Variants in ALG13 observed in about 807,000 individuals in gnomAD.
ALG13 encodes ALG13 UDP-N-acetylglucosaminyltransferase subunit, also known as UDP-N-acetylglucosamine transferase subunit ALG13.
A neutral mutation model predicts 87.8 loss-of-function variants in ALG13; 11 were observed. The ratio of observed to expected loss-of-function variants is 0.13; its 90% confidence interval spans 0.08 to 0.21. The LOEUF (loss-of-function observed/expected upper bound fraction) is 0.21. Ranked by LOEUF, ALG13 falls within the 10% of genes least tolerant of loss-of-function variation. The pLI, the probability that ALG13 is intolerant of heterozygous loss-of-function variation, is 1.00. For synonymous variants in ALG13, 320 were observed against 306.3 expected (o/e 1.04, Z -0.47); for missense variants, 756 against 866.1 (o/e 0.87, Z 1.60).
chrX:111,726,816 A>G lies in ALG13; in HGVS notation c.1737A>G (p.Ser579=), dbSNP rs889996527. ...PGGYVPEIVI[S]EMDIKQQKKM... ...TCTTTGTTTGCCTGAAAGTTATATC[A>G]GAGATGGACATAAAGCAACAGAAGA... is the stretch of plus-strand genomic sequence containing the variant. The change falls in exon 16 of 27, where the codon TCA becomes TCG. Residue 579 remains serine, a synonymous_variant. Coordinates refer to ENST00000394780, the MANE Select transcript of ALG13 (RefSeq NM_001099922.3). The G allele has an allele frequency of 4.1e-6, 5 of 1,209,144 alleles. No homozygotes were observed. Among genetic ancestry groups the G allele is most frequent in the Middle Eastern group, 4.6e-4 (2 of 4,364 alleles).
intron 10 of ALG13, among the ~76,000 whole-genome samples, chrX:111,719,428 G>A (rs1471071976): frequency 1.8e-5 from 2 of 112,188 alleles, no homozygotes; most frequent in East Asian, 5.6e-4. Context: ...AAGGACTTCA[G>A]GCTTACGGAA....
chrX:111,753,011 A>G (rs1416773388), intron 25 of ALG13, 181 bp downstream of exon 25: 5 of 378,673 alleles, frequency 1.3e-5, no homozygotes, highest in Non-Finnish European at 2.3e-5. Context: ...CCAGTGCTTT[A>G]GTTTCTCTTA....
intron 3 of ALG13, among the ~76,000 whole-genome samples, chrX:111,703,584 T>A (rs1381995161): frequency 2.7e-5 from 3 of 112,289 alleles, no homozygotes; most frequent in Admixed American, 9.4e-5. Context: ...TCCTATAGTT[T>A]GGCCTTTTTC....
intron 3 of ALG13, among the ~76,000 whole-genome samples, chrX:111,703,050 A>G (rs1457390945): frequency 9.0e-6 from 1 of 110,944 alleles, no homozygotes. Context: ...TCTTCTCTTT[A>G]TCCCCTGACT....
chrX:111,693,166 T>A, intron 3 of ALG13, among the ~76,000 whole-genome samples: 1 of 96,780 alleles, frequency 1.0e-5, no homozygotes, highest in Middle Eastern at 5.4e-3. Context: ...TTTTAATTCT[T>A]TTTTTTTTTT....
At chrX:111,701,279 G>A (rs1967092490) in intron 3 of ALG13, among the ~76,000 whole-genome samples, 1 of 112,057 alleles carries the variant, frequency 8.9e-6, no homozygotes, top group African/African-American at 3.2e-5. Flanking sequence ...AGCTTAAGAA[G>A]GATTGGTACT....
intron 2 of ALG13, among the ~76,000 whole-genome samples, chrX:111,684,403 G>T (rs1450728738): frequency 9.1e-6 from 1 of 110,347 alleles, no homozygotes; most frequent in Admixed American, 9.6e-5. Context: ...CTCACTTCAA[G>T]CTCCAACTCT....
chrX:111,699,061 TGTGAG>T (rs1390433449), intron 3 of ALG13, among the ~76,000 whole-genome samples: 1 of 112,159 alleles, frequency 8.9e-6, no homozygotes, highest in Non-Finnish European at 1.9e-5. Flanking sequence ...TTCTAACAGT[TGTGAG>T]GTGATAATCT....
At chrX:111,759,535 T>C (rs1945568051) in intron 26 of ALG13, among the ~76,000 whole-genome samples, 199 bp from the exon 27 acceptor site, 1 of 111,895 alleles carries the variant, frequency 8.9e-6, no homozygotes, top group African/African-American at 3.3e-5. Flanking sequence ...GACACATATA[T>C]TTCACAGTTT....
intron 1 of ALG13, chrX:111,681,892 C>T: frequency 1.1e-6 from 1 of 916,396 alleles, no homozygotes; most frequent in Non-Finnish European, 1.4e-6. Context: ...AAGTCTTTTC[C>T]TGCTGTGGCT....
intron 8 of ALG13, among the ~76,000 whole-genome samples, chrX:111,716,663 T>A (rs1283991584): frequency 8.9e-6 from 1 of 112,438 alleles, no homozygotes; most frequent in Non-Finnish European, 1.9e-5. Context: ...AATGGATTAT[T>A]ACTGAAATAG....
At chrX:111,743,450 T>C (rs912235341) in intron 23 of ALG13, among the ~76,000 whole-genome samples, 2 of 111,891 alleles carry the variant, frequency 1.8e-5, no homozygotes, top group African/African-American at 6.5e-5. Flanking sequence ...TATAATTCAT[T>C]TTTTTGGTGC....
intron 23 of ALG13, among the ~76,000 whole-genome samples, chrX:111,743,186 C>T (rs1024420736): frequency 6.3e-5 from 7 of 111,296 alleles, no homozygotes; most frequent in Admixed American, 5.7e-4. Flanking sequence ...CAGCTAATTG[C>T]CTTTCTCCAT....
chrX:111,743,367 C>T (rs944431696), intron 23 of ALG13, among the ~76,000 whole-genome samples: 6 of 111,730 alleles, frequency 5.4e-5, no homozygotes, highest in African/African-American at 2.0e-4. Flanking sequence ...GTAGAGATTT[C>T]GAAATATATG....
At chrX:111,688,032 C>A in intron 3 of ALG13, 1 of 1,086,216 alleles carries the variant, frequency 9.2e-7, no homozygotes, top group African/African-American at 1.9e-5. Flanking sequence ...TAAAAGCAAC[C>A]CCCAAATTCA....
At chrX:111,758,653 C>T (rs1200860382) in intron 26 of ALG13, among the ~76,000 whole-genome samples, 1 of 112,075 alleles carries the variant, frequency 8.9e-6, no homozygotes, top group African/African-American at 3.2e-5. Context: ...ATTTTTGTAA[C>T]AGATCTTTCC....
chrX:111,711,709 G>T lies in ALG13; in HGVS notation c.869G>T (p.Arg290Leu). The change falls in exon 6 of 27, where the codon CGG becomes CTG. Residue 290 changes from arginine to leucine, a missense_variant. Physicochemically the swap from Arg to Leu is moderately radical, Grantham distance 102. Coordinates refer to ENST00000394780, the MANE Select transcript of ALG13 (RefSeq NM_001099922.3). Reference protein sequence around the residue: ...VEGSFEKYLERLGDPKESAGQ... With the variant: ...VEGSFEKYLELLGDPKESAGQ... ...GGATCTTTTGAGAAATACCTGGAAC[G>T]GTTGGGAGATCCCAAGGTAAGATCA... 8.3e-7 allele frequency: 1 copy of T among 1,207,726 alleles called. No homozygotes were observed. Among genetic ancestry groups the T allele is most frequent in the East Asian group, 3.0e-5 (1 of 33,721 alleles).
chrX:111,703,343 G>A (rs1262105652), intron 3 of ALG13, among the ~76,000 whole-genome samples: 2 of 110,798 alleles, frequency 1.8e-5, no homozygotes, highest in African/African-American at 6.6e-5. Context: ...TATTCTGTGA[G>A]CTCCTCAACT....
At chrX:111,700,563 GTGTTTTTTTTTGTTTTTTTT>G (rs779805290) in intron 3 of ALG13, among the ~76,000 whole-genome samples, 3 of 107,160 alleles carry the variant, frequency 2.8e-5, no homozygotes, top group South Asian at 4.2e-4. Flanking sequence ...CTGTTGAGAG[GTGTTTTTTTTTGTTTTTTTT>G]TGTTTTTTTT....
Sources: gnomAD v4.1 joint callset for allele counts (sites outside exome capture counted in the v4.1 genomes callset) on GRCh38, gnomAD v4.1.1 for gene constraint, MANE v1.5 for transcripts, NCBI Gene and HGNC (gene_info 2026-07-23, HGNC 2026-07-21) for gene names.